GABRA5: variants seen among roughly 807,000 people sequenced by gnomAD.
GABRA5 encodes gamma-aminobutyric acid type A receptor subunit alpha5.
A neutral mutation model predicts 47.3 loss-of-function variants in GABRA5; 18 were observed. The ratio of observed to expected loss-of-function variants is 0.38; its 90% CI spans 0.26 to 0.56. The LOEUF (loss-of-function observed/expected upper bound fraction) is 0.56. Among genes scored for constraint, GABRA5 ranks in the 20% least tolerant of loss-of-function variants. GABRA5 has a pLI of 0.71. For missense variants in GABRA5, 365 were observed against 599.3 expected, an observed-to-expected ratio of 0.61 and a Z score of 4.08; for synonymous variants, 237 against 229.3, an observed-to-expected ratio of 1.03 and a Z score of -0.30.
intron 8 of GABRA5, chr15:26,939,656 G>A: frequency 1.7e-6 from 1 of 597,760 alleles, no homozygotes; most frequent in Non-Finnish European, 3.0e-6. Context: ...ATTGTGACTG[G>A]AGATTAGTAA....
At chr15:26,900,000 T>G (rs1223427372) in intron 6 of GABRA5, among the ~76,000 whole-genome samples, 1 of 152,080 alleles carries the variant, frequency 6.6e-6, no homozygotes, top group African/African-American at 2.4e-5. Flanking sequence ...TTAATTGATG[T>G]TTTTTAGCGT....
At chr15:26,931,075 T>C (rs1456122297) in intron 7 of GABRA5, among the ~76,000 whole-genome samples, 1 of 151,228 alleles carries the variant, frequency 6.6e-6, no homozygotes, top group East Asian at 1.9e-4. Context: ...TTTGTATTTT[T>C]TTTGGTAGAG....
At chr15:26,893,276 TGTA>T (rs1893065551) in intron 6 of GABRA5, among the ~76,000 whole-genome samples, 1 of 47,670 alleles carries the variant, frequency 2.1e-5, no homozygotes. Flanking sequence ...ATGGTGTGTG[TGTA>T]TGGCATATGG....
chr15:26,934,380 A>C, intron 7 of GABRA5, among the ~76,000 whole-genome samples: 1 of 152,222 alleles, frequency 6.6e-6, no homozygotes, highest in East Asian at 1.9e-4. Context: ...AACCTGTTAC[A>C]TTCTAATCTG....
intron 7 of GABRA5, among the ~76,000 whole-genome samples, chr15:26,924,248 CT>C (rs1219216304): frequency 6.7e-6 from 1 of 149,242 alleles, no homozygotes; most frequent in Non-Finnish European, 1.5e-5. Flanking sequence ...CAGGTTCCAG[CT>C]TAGCCTCTAT....
intron 7 of GABRA5, among the ~76,000 whole-genome samples, chr15:26,931,473 C>T (rs772396775): frequency 2.0e-4 from 30 of 152,140 alleles, no homozygotes; most frequent in Non-Finnish European, 3.7e-4. Context: ...CCCGAAGGCT[C>T]TTACAACCAA....
chr15:26,915,078 A>G (rs564191294), intron 7 of GABRA5, among the ~76,000 whole-genome samples, 193 bp downstream of exon 7: 1 of 152,244 alleles, frequency 6.6e-6, no homozygotes, highest in Non-Finnish European at 1.5e-5. Flanking sequence ...CACCTGCCAT[A>G]CATCACAGAT....
intron 8 of GABRA5, among the ~76,000 whole-genome samples, chr15:26,938,535 A>C (rs1023465137): frequency 6.6e-6 from 1 of 152,202 alleles, no homozygotes; most frequent in Non-Finnish European, 1.5e-5. Flanking sequence ...CTACCGCCAA[A>C]ATAATTAGAA....
At chr15:26,914,131 T>C (rs1316673897) in intron 6 of GABRA5, among the ~76,000 whole-genome samples, 1 of 152,102 alleles carries the variant, frequency 6.6e-6, no homozygotes, top group Non-Finnish European at 1.5e-5. Flanking sequence ...TAGTGCTCGG[T>C]GATATTATAA....
intron 7 of GABRA5, among the ~76,000 whole-genome samples, chr15:26,917,735 C>T (rs1893751938): frequency 1.3e-5 from 2 of 151,934 alleles, no homozygotes; most frequent in African/African-American, 4.8e-5. Context: ...ATTCAACTTC[C>T]TTACTAGTTA....
At chr15:26,911,987 G>A (rs1358090121) in intron 6 of GABRA5, among the ~76,000 whole-genome samples, 1 of 152,160 alleles carries the variant, frequency 6.6e-6, no homozygotes, top group Non-Finnish European at 1.5e-5. Flanking sequence ...GTAAAGCCAG[G>A]GCTGCTGGTT....
chr15:26,880,583 C>G (rs898642798), intron 3 of GABRA5: 1 of 307,140 alleles, frequency 3.3e-6, no homozygotes, highest in African/African-American at 2.2e-5. Flanking sequence ...TTGACATAAA[C>G]CAATTCCTTA....
At chr15:26,898,794 C>T (rs574608801) in intron 6 of GABRA5, among the ~76,000 whole-genome samples, 46 of 149,562 alleles carry the variant, frequency 3.1e-4, no homozygotes, top group African/African-American at 9.3e-4. Context: ...CAGTTGAAAT[C>T]GTTTTTCGTT....
At chr15:26,925,031 G>T (rs1449158440) in intron 7 of GABRA5, among the ~76,000 whole-genome samples, 1 of 151,772 alleles carries the variant, frequency 6.6e-6, no homozygotes, top group Non-Finnish European at 1.5e-5. Flanking sequence ...ATAAATATAT[G>T]ATATTTATTT....
chr15:26,919,160 CA>C (rs1348703057), intron 7 of GABRA5, among the ~76,000 whole-genome samples: 2 of 150,726 alleles, frequency 1.3e-5, no homozygotes, highest in Non-Finnish European at 3.0e-5. Flanking sequence ...AAAACACACA[CA>C]AAAAAAGAGT....
At chr15:26,892,518 A>G (rs1893034101) in intron 6 of GABRA5, among the ~76,000 whole-genome samples, 1 of 152,264 alleles carries the variant, frequency 6.6e-6, no homozygotes, top group Non-Finnish European at 1.5e-5. Context: ...AAGGCAAGTT[A>G]GAGTATTTAT....
chr15:26,937,408 C>G lies in GABRA5; in HGVS notation c.724+80C>G, dbSNP rs1425555842. The G allele has an allele frequency of 2.1e-6, 3 of 1,442,104 alleles. No homozygotes were observed. In the African/African-American group the frequency reaches 4.3e-5, roughly 21 times the overall value. The allele number at this position is 1,442,104 out of a possible 1,614,324, so 89.3% of individuals were successfully genotyped here. On this transcript the variant is annotated intron_variant, in intron 8 of 10. Transcript: ENST00000335625. ...GGAGAGCTTGCTGCTCCCAGCACCT[C>G]TCTGCAGGGGCCACGTGGGAGGCCG... is the stretch of plus-strand genomic sequence containing the variant.
upstream of GABRA5, chr15:26,867,048 A>G (rs891363491): frequency 1.3e-5 from 2 of 152,052 alleles, no homozygotes. This position sits in a 1 kb window ranked among gnomAD's most constrained non-coding sequence, Gnocchi z 5.9. Flanking sequence ...GGCGGCCTCT[A>G]CCGGAGCACC....
At chr15:26,897,476 G>C (rs900563941) in intron 6 of GABRA5, among the ~76,000 whole-genome samples, 2 of 152,096 alleles carry the variant, frequency 1.3e-5, no homozygotes, top group African/African-American at 4.8e-5. Context: ...GAAAATACAT[G>C]TCTGTAGTTT....
Sources: gnomAD v4.1 joint callset for allele counts (sites outside exome capture counted in the v4.1 genomes callset) on GRCh38, gnomAD v4.1.1 for gene constraint, Gnocchi (gnomAD v3.1) non-coding constraint, MANE v1.5 for transcripts, NCBI Gene and HGNC (gene_info 2026-07-23, HGNC 2026-07-21) for gene names.